The following PSTPIP2 variants were observed in gnomAD, a reference collection of about 807,000 sequenced individuals.
The protein encoded by PSTPIP2 is proline-serine-threonine phosphatase interacting protein 2.
A neutral mutation model predicts 63.3 loss-of-function variants in PSTPIP2; 33 were observed. The observed-to-expected ratio is 0.52, with a 90% CI of 0.40 to 0.70. PSTPIP2 has a LOEUF of 0.70. PSTPIP2 is among the 30% of genes least tolerant of loss of function. The probability of loss-of-function intolerance (pLI) is 0.00; values close to 1 mark genes in which losing one functional copy is unlikely to be tolerated. For missense variants in PSTPIP2, 312 were observed against 400.7 expected (o/e 0.78, Z 1.89); for synonymous variants, 125 against 132.7 (o/e 0.94, Z 0.40).
At chr18:46,045,978 C>T (rs1036974019) in intron 1 of PSTPIP2, among the ~76,000 whole-genome samples, 9 of 152,116 alleles carry the variant, frequency 5.9e-5, no homozygotes, top group South Asian at 4.1e-4. Context: ...TTTGAAGCTA[C>T]GGTAATTGAA....
intron 9 of PSTPIP2, among the ~76,000 whole-genome samples, chr18:45,995,593 T>C (rs1054878092): frequency 1.8e-4 from 28 of 152,140 alleles, no homozygotes; most frequent in Non-Finnish European, 2.9e-5. Flanking sequence ...CAAAGAGAGA[T>C]CAAATAAGAT....
intron 1 of PSTPIP2, among the ~76,000 whole-genome samples, chr18:46,059,842 A>G (rs943073706): frequency 4.6e-5 from 7 of 152,090 alleles, no homozygotes; most frequent in Admixed American, 4.6e-4. Flanking sequence ...AGCCTGACCA[A>G]CATGGTGAAA....
chr18:46,028,327 G>A (rs1907665033), intron 2 of PSTPIP2: 3 of 472,732 alleles, frequency 6.3e-6, no homozygotes, highest in Non-Finnish European at 1.3e-5. Flanking sequence ...GAAAGCCGGA[G>A]CGGGGCCGAG....
chr18:46,005,510 T>A lies in PSTPIP2; in HGVS notation c.376A>T (p.Ile126Phe), dbSNP rs999213149. The stretch of plus-strand genomic sequence containing the variant: ...AATTGTAAGCTCTTTTGTTTATGGA[T>A]AGCATCCATTATGAGCTCTGTCTGT... Reference protein sequence around the residue: ...RKKTELIMDAIHKQKSLQFKK... With the variant: ...RKKTELIMDAFHKQKSLQFKK... Residue 126 changes from isoleucine (I) to phenylalanine (F), a missense_variant, in exon 6 of 15, where the codon ATC becomes TTC. Transcript: ENST00000409746. 3.8e-6 allele frequency: 6 copies of A among 1,599,010 alleles called. No homozygotes were observed. In the Admixed American group the frequency reaches 6.7e-5, roughly 18 times the overall value.
chr18:46,006,360 CTTTT>C (rs756384731), intron 5 of PSTPIP2, among the ~76,000 whole-genome samples: 2 of 115,628 alleles, frequency 1.7e-5, no homozygotes, highest in Non-Finnish European at 3.3e-5. Context: ...AGCCCTGGTA[CTTTT>C]TTTTTTTTTT....
chr18:45,995,256 C>A (rs1308458366), intron 9 of PSTPIP2, among the ~76,000 whole-genome samples: 1 of 151,930 alleles, frequency 6.6e-6, no homozygotes, highest in Non-Finnish European at 1.5e-5. Flanking sequence ...CCTCTACCAC[C>A]ATGCCCGGCT....
intron 2 of PSTPIP2, chr18:46,028,676 C>A (rs1907681397): frequency 1.2e-6 from 1 of 864,538 alleles, no homozygotes; most frequent in East Asian, 2.7e-5. Context: ...ACATGATGAA[C>A]AATCGGTTTC....
chr18:46,054,300 G>C (rs1362667311), intron 1 of PSTPIP2, among the ~76,000 whole-genome samples: 1 of 152,100 alleles, frequency 6.6e-6, no homozygotes, highest in African/African-American at 2.4e-5. Context: ...TTCTAGAAAA[G>C]GCAAAACTAT....
chr18:45,992,701 A>T (rs2051550185), intron 10 of PSTPIP2, among the ~76,000 whole-genome samples: 1 of 151,604 alleles, frequency 6.6e-6, no homozygotes, highest in Non-Finnish European at 1.5e-5. Flanking sequence ...CACATCTGCT[A>T]TTAATTTTTT....
At chr18:45,997,720 A>T in intron 9 of PSTPIP2, 29 bp downstream of exon 9, 1 of 169,506 alleles carries the variant, frequency 5.9e-6, no homozygotes, top group Non-Finnish European at 1.1e-5. Context: ...CACCCACCCC[A>T]GTCCTGAGCA....
intron 2 of PSTPIP2, among the ~76,000 whole-genome samples, chr18:46,037,720 C>T (rs1356352941): frequency 6.6e-6 from 1 of 152,158 alleles, no homozygotes; most frequent in African/African-American, 2.4e-5. Context: ...GAACAGAGGC[C>T]CAAAGCCAAG....
Position 46,011,174 on chromosome 18 carries a change from ATC to A in PSTPIP2, c.354+5_354+6del. 1 of 1,609,604 alleles carries A rather than the reference ATC, an allele frequency of 6.2e-7. No homozygotes were observed. The highest frequency in any genetic ancestry group is 8.5e-7 in the Non-Finnish European group (1 of 1,175,964). On this transcript the variant is annotated splice_donor_5th_base_variant and intron_variant, in intron 5 of 14. Coordinates refer to ENST00000409746, the MANE Select transcript of PSTPIP2 (RefSeq NM_024430.4). Reference sequence around the variant, plus strand: ...AGGAAACACCTTAACACGTATGCAAATCCAACCTTTTTTCGTTGTAGTTTTTG... The same window carrying A: ...AGGAAACACCTTAACACGTATGCAAACAACCTTTTTTCGTTGTAGTTTTTG...
chr18:46,030,070 C>T (rs193296518), intron 2 of PSTPIP2, among the ~76,000 whole-genome samples: 2,996 of 151,994 alleles, frequency 0.02, 49 homozygotes, highest in Middle Eastern at 0.037. Flanking sequence ...GCTGAGATTG[C>T]ACCATTGCAC....
At chr18:46,040,659 T>G (rs1908159626) in intron 1 of PSTPIP2, among the ~76,000 whole-genome samples, 1 of 152,242 alleles carries the variant, frequency 6.6e-6, no homozygotes, top group South Asian at 2.1e-4. Flanking sequence ...TGGGCTTTGC[T>G]GTGCCCAGTG....
intron 3 of PSTPIP2, 103 bp from the exon 4 acceptor site, chr18:46,016,040 A>G (rs2051849833): frequency 2.9e-6 from 4 of 1,378,012 alleles, no homozygotes; most frequent in Non-Finnish European, 3.0e-6. Context: ...CTTAACTTAG[A>G]AACTACAGAC....
intron 1 of PSTPIP2, chr18:46,041,074 G>C (rs542550617): frequency 2.2e-6 from 1 of 457,004 alleles, no homozygotes; most frequent in East Asian, 6.9e-5. Context: ...ACCAGTTAGC[G>C]CTATTGAGGG....
At position 46,049,052 on chromosome 18, in the gene PSTPIP2, G is replaced by A. The variant is rs28895273; in HGVS notation, c.34-9005C>T. On this transcript the variant is annotated intron_variant, in intron 1 of 14. Coordinates refer to ENST00000409746, the MANE Select transcript of PSTPIP2 (RefSeq NM_024430.4). ...TGTGTGTGTGTGTGTGTGTGTGTGT[G>A]TGTGGAGAGAGAGAGAAGGAGAGAG... 1.9e-3 allele frequency among the ~76,000 whole-genome samples: 264 copies of A among 139,600 alleles called. 1 individual carries two copies. Among genetic ancestry groups the A allele is most frequent in the African/African-American group, 7.0e-3 (251 of 36,022 alleles). The allele number at this position is 139,600 out of a possible 152,430, so 91.6% of individuals were successfully genotyped here. A position where few individuals can be genotyped will look rare whatever the true frequency, so the allele number is the denominator to read the frequency against.
At chr18:46,021,788 A>T (rs563455322) in intron 3 of PSTPIP2, among the ~76,000 whole-genome samples, 6 of 150,636 alleles carry the variant, frequency 4.0e-5, no homozygotes, top group Admixed American at 2.6e-4. Flanking sequence ...TCTACTAAAA[A>T]TACAAAAAAT....
chr18:46,005,379 T>G, intron 6 of PSTPIP2, 90 bp downstream of exon 6: 1 of 1,080,006 alleles, frequency 9.3e-7, no homozygotes, highest in Non-Finnish European at 1.3e-6. Flanking sequence ...ATTTTTGAAA[T>G]GTTATTTGAG....
Sources: allele counts gnomAD v4.1 joint callset (sites outside exome capture counted in the v4.1 genomes callset), GRCh38; gene constraint gnomAD v4.1.1; transcripts MANE v1.5; gene names NCBI Gene and HGNC (gene_info 2026-07-23, HGNC 2026-07-21).